The following TSKS variants were observed in gnomAD, a reference collection of about 807,000 sequenced individuals.
TSKS encodes the protein testis-specific serine kinase substrate.
TSKS carries 27 observed loss-of-function variants against 68.0 expected under a neutral mutation model. That is an observed-to-expected ratio of 0.40 (90% CI 0.29 to 0.55). TSKS has a LOEUF of 0.55. TSKS is among the 20% of genes least tolerant of loss of function. The pLI is 0.53. For missense variants in TSKS, 806 were observed against 776.0 expected, an observed-to-expected ratio of 1.04 and a Z score of -0.46; for synonymous variants, 331 against 340.4, an observed-to-expected ratio of 0.97 and a Z score of 0.30.
At chr19:49,751,070 G>A (rs1225423011) in intron 2 of TSKS, among the ~76,000 whole-genome samples, 1 of 151,952 alleles carries the variant, frequency 6.6e-6, no homozygotes, top group Non-Finnish European at 1.5e-5. Context: ...TTGGGAGGCC[G>A]AGGTGGGTGG....
chr19:49,761,978 C>T (rs1159696726), intron 2 of TSKS, 26 bp downstream of exon 2: 3 of 1,590,552 alleles, frequency 1.9e-6, no homozygotes, highest in Admixed American at 1.7e-5. Flanking sequence ...CGGTCCTCCC[C>T]AGCGGGTGGT....
chr19:49,740,473 G>A (rs1261245217), intron 9 of TSKS: 1 of 406,558 alleles, frequency 2.5e-6, no homozygotes, highest in Non-Finnish European at 4.5e-6. Flanking sequence ...CTAAGCTCAT[G>A]AACTATCCTA....
intron 7 of TSKS, 68 bp downstream of exon 7, chr19:49,745,133 AG>A (rs2084285230): frequency 6.9e-7 from 1 of 1,452,780 alleles, no homozygotes; most frequent in Non-Finnish European, 9.2e-7. Flanking sequence ...ATTTCCCTCA[AG>A]ACCCCGCCCT....
At chr19:49,747,127 G>A in intron 5 of TSKS, 1 of 1,527,046 alleles carries the variant, frequency 6.5e-7, no homozygotes, top group Non-Finnish European at 8.8e-7. Context: ...TGGGCATGTG[G>A]ACAGGACGGG....
intron 2 of TSKS, among the ~76,000 whole-genome samples, chr19:49,756,027 A>G (rs1187336517): frequency 6.6e-6 from 1 of 152,000 alleles, no homozygotes; most frequent in Non-Finnish European, 1.5e-5. Flanking sequence ...AAGAAAGAAA[A>G]CCACAGACCA....
chr19:49,747,018 T>C, intron 5 of TSKS: 1 of 1,230,534 alleles, frequency 8.1e-7, no homozygotes, highest in Non-Finnish European at 1.1e-6. Flanking sequence ...TGCCTCCAGG[T>C]ATCCACCCGG....
chr19:49,746,389 G>C, intron 6 of TSKS, 81 bp downstream of exon 6: 1 of 1,529,752 alleles, frequency 6.5e-7, no homozygotes, highest in Non-Finnish European at 8.9e-7. Flanking sequence ...CTTGGGTCCC[G>C]CCCACCGCAT....
At chr19:49,753,752 C>T (rs1473709670) in intron 2 of TSKS, among the ~76,000 whole-genome samples, 2 of 149,230 alleles carry the variant, frequency 1.3e-5, no homozygotes, top group Non-Finnish European at 3.0e-5. Flanking sequence ...GATCATGTCT[C>T]AAATAATAAT....
rs1379117473 is a variant in TSKS, at chr19:49,745,364, T to A, written c.1025A>T (p.His342Leu). 6.3e-7 allele frequency: 1 copy of A among 1,588,234 alleles called. No homozygotes were observed. The highest frequency in any genetic ancestry group is 1.7e-5 in the Admixed American group (1 of 57,706). The change falls in exon 7 of 11, where the codon CAT (histidine) becomes CTT (leucine). Residue 342 changes from histidine to leucine, a missense_variant. Physicochemically the swap from His to Leu is moderately conservative, Grantham distance 99 (BLOSUM62 -3). Transcript: ENST00000246801. ...TTCCTGCACCGCCCCCTCCTCCTGA[T>A]GCCACCGGGCGGTCAGTGAGGACAC... is the stretch of plus-strand genomic sequence containing the variant. ...REVSSLTARW[H>L]QEEGAVQEAL...
chr19:49,741,778 C>A, intron 9 of TSKS, 107 bp downstream of exon 9: 1 of 1,507,140 alleles, frequency 6.6e-7, no homozygotes, highest in Non-Finnish European at 9.1e-7. Context: ...CCAGCTCAGC[C>A]CTTCCCCTTC....
intron 2 of TSKS, among the ~76,000 whole-genome samples, chr19:49,750,770 T>C (rs988556601): frequency 2.0e-5 from 3 of 152,164 alleles, no homozygotes; most frequent in Non-Finnish European, 2.9e-5. Flanking sequence ...AACCAGAACG[T>C]AGACACCTGT....
At chr19:49,750,738 A>C (rs748716190) in intron 2 of TSKS, among the ~76,000 whole-genome samples, 1 of 152,108 alleles carries the variant, frequency 6.6e-6, no homozygotes. Context: ...TGGCGAGAGC[A>C]ACTGTCTAGA....
At chr19:49,744,838 C>T (rs1377977940) in intron 7 of TSKS, among the ~76,000 whole-genome samples, 1 of 152,184 alleles carries the variant, frequency 6.6e-6, no homozygotes, top group East Asian at 1.9e-4. Flanking sequence ...AATCCGCCCA[C>T]GTCGGCCTCC....
intron 1 of TSKS, 76 bp from the exon 2 acceptor site, chr19:49,762,308 T>C (rs2123635747): frequency 6.3e-6 from 7 of 1,115,950 alleles, no homozygotes; most frequent in Non-Finnish European, 7.8e-6. Context: ...CCTTTCTCCA[T>C]ACCTCACCCC....
chr19:49,745,249 CGCCGTCTGT>C lies in TSKS; in HGVS notation c.1131_1139del (p.Gln378_Ala380del). On this transcript the variant is annotated inframe_deletion, in exon 7 of 11. Coordinates refer to ENST00000246801, the MANE Select transcript of TSKS (RefSeq NM_021733.2). ...GACCTCGCAGCTCCTGCAAGTCCCG[CGCCGTCTGT>C]GCCTGTTCGCGCTGTGCCCGCTCCC... 6.2e-7 allele frequency: 1 copy of C among 1,608,002 alleles called. No individual in the cohort carries two copies.
At chr19:49,744,470 C>G (rs1286726988) in intron 7 of TSKS, 66 bp from the exon 8 acceptor site, 1 of 1,533,194 alleles carries the variant, frequency 6.5e-7, no homozygotes, top group Non-Finnish European at 8.9e-7. Flanking sequence ...CAAGACTCCA[C>G]CCATTATTAG....
At chr19:49,741,210 C>T (rs907847889) in intron 9 of TSKS, among the ~76,000 whole-genome samples, 2 of 150,096 alleles carry the variant, frequency 1.3e-5, no homozygotes, top group Non-Finnish European at 3.0e-5. Context: ...AAAAACAGTC[C>T]TTAGTGCCCT....
intron 2 of TSKS, among the ~76,000 whole-genome samples, chr19:49,761,745 C>G (rs2084442194): frequency 6.6e-6 from 1 of 152,032 alleles, no homozygotes; most frequent in African/African-American, 2.4e-5. Flanking sequence ...GGGAGGATCA[C>G]TTGAGCCCAG....
rs527553742 is a variant in TSKS, at chr19:49,742,655, G to A, written c.1362-635C>T. 1.5e-4 allele frequency among the ~76,000 whole-genome samples: 23 copies of A among 151,190 alleles called. No individual in the cohort carries two copies. In the East Asian group the frequency reaches 2.0e-3, roughly 13 times the overall value. ...AGGTATTACAGGCACCCGCCAGCAC[G>A]CCTAGCTAATTTTTGTGTTTTTAGT... On this transcript the variant is annotated intron_variant, in intron 8 of 10. Coordinates refer to ENST00000246801, the MANE Select transcript of TSKS (RefSeq NM_021733.2).
Sources: allele counts gnomAD v4.1 joint callset (sites outside exome capture counted in the v4.1 genomes callset), GRCh38; gene constraint gnomAD v4.1.1; transcripts MANE v1.5; gene names NCBI Gene and HGNC (gene_info 2026-07-23, HGNC 2026-07-21).